Variants in VANGL2 observed in about 807,000 individuals in gnomAD.
VANGL2 encodes the protein VANGL planar cell polarity protein 2, also known as vang-like protein 2.
Under a neutral mutation model 50.2 loss-of-function variants are expected in VANGL2, and 14 were observed. The ratio of observed to expected loss-of-function variants is 0.28; its 90% CI spans 0.18 to 0.44. VANGL2 has a LOEUF of 0.44. VANGL2 is among the 20% of genes least tolerant of loss of function. VANGL2 has a pLI of 1.00. For synonymous variants in VANGL2, 295 were observed against 297.2 expected (o/e 0.99, Z 0.08); for missense variants, 533 against 701.5 (o/e 0.76, Z 2.71).
intron 1 of VANGL2, among the ~76,000 whole-genome samples, chr1:160,414,923 A>G (rs1290458717): frequency 6.6e-6 from 1 of 152,128 alleles, no homozygotes; most frequent in Non-Finnish European, 1.5e-5. Flanking sequence ...AGATAAGCCT[A>G]TAAATAGGCA....
rs1651462556 is a variant in VANGL2, at chr1:160,426,544, T to C, written c.*1166T>C. The C allele has an allele frequency of 6.5e-6, 1 of 152,686 alleles. No individual in the cohort carries two copies. The highest frequency in any genetic ancestry group is 1.5e-5 in the Non-Finnish European group (1 of 68,092). The allele number at this position is 152,686 out of a possible 1,614,324, so 9.5% of individuals were successfully genotyped here. On this transcript the variant is annotated 3_prime_UTR_variant, in exon 8 of 8. Transcript: ENST00000368061. ...TCTGAGCTCTGGGCTCCGTCTGTAT[T>C]GGGTTGAGGGGCAAGGATTACTGCC...
chr1:160,414,535 T>C (rs1650988684), intron 1 of VANGL2, among the ~76,000 whole-genome samples: 1 of 152,238 alleles, frequency 6.6e-6, no homozygotes, highest in Non-Finnish European at 1.5e-5. Flanking sequence ...CATAGTTTGC[T>C]GTTCTGCCCT....
chr1:160,416,573 G>C (rs1322746827), intron 3 of VANGL2, among the ~76,000 whole-genome samples: 2 of 152,114 alleles, frequency 1.3e-5, no homozygotes, highest in Non-Finnish European at 2.9e-5. Context: ...CTGGAGCCTC[G>C]AGATGTGGGC....
At chr1:160,418,368 C>T (rs1651134847) in intron 3 of VANGL2, among the ~76,000 whole-genome samples, 1 of 152,062 alleles carries the variant, frequency 6.6e-6, no homozygotes, top group African/African-American at 2.4e-5. Context: ...CCACAGATCA[C>T]ATTTTAAGTA....
intron 1 of VANGL2, among the ~76,000 whole-genome samples, chr1:160,409,438 T>A (rs980068515): frequency 2.6e-5 from 4 of 151,824 alleles, no homozygotes; most frequent in Non-Finnish European, 5.9e-5. Flanking sequence ...TGTGTCCTCC[T>A]GAAGGGAAAA....
At chr1:160,418,097 T>G (rs964951653) in intron 3 of VANGL2, among the ~76,000 whole-genome samples, 3 of 151,908 alleles carry the variant, frequency 2.0e-5, no homozygotes, top group Non-Finnish European at 4.4e-5. Flanking sequence ...GTGTGTGTGT[T>G]TTTAGTAGAG....
Position 160,425,484 on chromosome 1 carries a change from C to A in VANGL2, c.*106C>A. On this transcript the variant is annotated 3_prime_UTR_variant, in exon 8 of 8. Coordinates refer to ENST00000368061, the MANE Select transcript of VANGL2 (RefSeq NM_020335.3). ...ATTCCTGCCACCCTTCTTCTTCTTG[C>A]TCTTTTTTTTTTACTTGAATTAACG... The A allele has an allele frequency of 1.1e-6, 1 of 948,294 alleles. No individual in the cohort carries two copies. The highest frequency in any genetic ancestry group is 1.8e-5 in the South Asian group (1 of 56,930). The allele number at this position is 948,294 out of a possible 1,614,324, so 58.7% of individuals were successfully genotyped here. A position where few individuals can be genotyped will look rare whatever the true frequency, so the allele number is the denominator to read the frequency against.
chr1:160,409,430 T>C (rs1445766348), intron 1 of VANGL2, among the ~76,000 whole-genome samples: 1 of 151,824 alleles, frequency 6.6e-6, no homozygotes, highest in African/African-American at 2.4e-5. Context: ...CAGCCAGCTG[T>C]GTCCTCCTGA....
At chr1:160,425,038 T>G in intron 7 of VANGL2, 80 bp from the exon 8 acceptor site, 1 of 1,607,794 alleles carries the variant, frequency 6.2e-7, no homozygotes, top group East Asian at 2.2e-5. Context: ...CCTTCTTGTC[T>G]TTGGAAACTA....
chr1:160,403,115 C>A (rs188927622), intron 1 of VANGL2, among the ~76,000 whole-genome samples: 2 of 150,582 alleles, frequency 1.3e-5, no homozygotes, highest in East Asian at 3.9e-4. Flanking sequence ...GAACGGGGAA[C>A]GGGGCAGAGT....
At chr1:160,423,926 G>A in intron 6 of VANGL2, 126 bp from the exon 7 acceptor site, 1 of 1,038,152 alleles carries the variant, frequency 9.6e-7, no homozygotes, top group Non-Finnish European at 1.5e-6. Context: ...CTCTGGCTTT[G>A]TATTACTTTG....
At chr1:160,411,192 G>A (rs899385748) in intron 1 of VANGL2, among the ~76,000 whole-genome samples, 3 of 151,782 alleles carry the variant, frequency 2.0e-5, no homozygotes, top group Non-Finnish European at 4.4e-5. Flanking sequence ...TCCATGGTTG[G>A]TTTGAGCAGG....
Position 160,421,183 on chromosome 1 carries a change from G to C in VANGL2, c.1069G>C (p.Ala357Pro). Residue 357 changes from alanine to proline, a missense_variant, in exon 6 of 8, where the codon GCC becomes CCC. Physicochemically the swap from Ala to Pro is conservative, Grantham distance 27. Coordinates refer to ENST00000368061, the MANE Select transcript of VANGL2 (RefSeq NM_020335.3). ...TGAGCGAAGGGTGCGCAAGAGGAGG[G>C]CCAGGTGGGTCCCTGGGGGAGAAGA... is the stretch of plus-strand genomic sequence containing the variant. ...EHERRVRKRR[A>P]RLVVAVEEAF... The C allele has an allele frequency of 6.2e-7, 1 of 1,613,304 alleles. No individual in the cohort carries two copies. Among genetic ancestry groups the C allele is most frequent in the Non-Finnish European group, 8.5e-7 (1 of 1,180,038 alleles).
In VANGL2 at chr1:160,422,574, A is replaced by G. The variant is rs78626823; in HGVS notation, c.1073+1387A>G. On this transcript the variant is annotated intron_variant, in intron 6 of 7. Coordinates refer to ENST00000368061, the MANE Select transcript of VANGL2 (RefSeq NM_020335.3). ...AATGACTCAGGTTCCTGGGTTCTGC[A>G]TAGAAGGCCTCACTTTCTTTCTTTG... Among the ~76,000 whole-genome samples the G allele has an allele frequency of 4.4e-3, 660 of 151,498 alleles. 13 individuals are homozygous for G. Among genetic ancestry groups the G allele is most frequent in the East Asian group, 0.041 (210 of 5,172 alleles).
At chr1:160,409,779 T>C (rs1650810738) in intron 1 of VANGL2, among the ~76,000 whole-genome samples, 2 of 152,192 alleles carry the variant, frequency 1.3e-5, no homozygotes, top group African/African-American at 2.4e-5. Flanking sequence ...GAGAGCTAGC[T>C]CCTGGGATCC....
chr1:160,426,903 G>C lies in VANGL2; in HGVS notation c.*1525G>C, dbSNP rs946898894. On this transcript the variant is annotated 3_prime_UTR_variant, in exon 8 of 8. Transcript: ENST00000368061. The stretch of plus-strand genomic sequence containing the variant: ...ACTTACCTTGCAGAGCACATCCTGG[G>C]ATAAGATCCCCAGTGTCTCCCCTGG... 4 of 152,306 alleles carry C rather than the reference G, an allele frequency of 2.6e-5. No homozygotes were observed. The highest frequency in any genetic ancestry group is 5.9e-5 in the Non-Finnish European group (4 of 68,106). The allele number at this position is 152,306 out of a possible 1,614,324, so 9.4% of individuals were successfully genotyped here. A position where few individuals can be genotyped will look rare whatever the true frequency, so the allele number is the denominator to read the frequency against.
In VANGL2 at chr1:160,408,710, C is replaced by T. The variant is rs568356486; in HGVS notation, c.-190-6938C>T. On this transcript the variant is annotated intron_variant, in intron 1 of 7. Coordinates refer to ENST00000368061, the MANE Select transcript of VANGL2 (RefSeq NM_020335.3). The stretch of plus-strand genomic sequence containing the variant: ...GGGGTGGGGCACCTGGTGCCAGCTC[C>T]TGGGCTCCCTGCTCTGCCCTTCCCA... 4.6e-5 allele frequency among the ~76,000 whole-genome samples: 7 copies of T among 152,310 alleles called. No individual in the cohort carries two copies. In the East Asian group the frequency reaches 1.3e-3, roughly 29 times the overall value.
chr1:160,419,960 G>T lies in VANGL2; in HGVS notation c.800+351G>T, dbSNP rs1010006648. On this transcript the variant is annotated intron_variant, in intron 4 of 7. Coordinates refer to ENST00000368061, the MANE Select transcript of VANGL2 (RefSeq NM_020335.3). The surrounding 1 kb of genome is among the most constrained non-coding windows in gnomAD (Gnocchi z 5.8). ...CCTTTTCTAGTCCTTTCTGGGAGGCGCAGCTTCTTGTGAGCACTCAGAGTG... is the reference window on the plus strand; with the variant it reads ...CCTTTTCTAGTCCTTTCTGGGAGGCTCAGCTTCTTGTGAGCACTCAGAGTG... 6.6e-6 allele frequency among the ~76,000 whole-genome samples: 1 copy of T among 152,100 alleles called. No homozygotes were observed. Among genetic ancestry groups the T allele is most frequent in the Non-Finnish European group, 1.5e-5 (1 of 68,012 alleles).
At chr1:160,410,452 G>A (rs1650837677) in intron 1 of VANGL2, among the ~76,000 whole-genome samples, 1 of 152,100 alleles carries the variant, frequency 6.6e-6, no homozygotes, top group African/African-American at 2.4e-5. Context: ...CAGGCCTAAA[G>A]TAGCCGGGAC....
Sources: allele counts gnomAD v4.1 joint callset (sites outside exome capture counted in the v4.1 genomes callset), GRCh38; gene constraint gnomAD v4.1.1; non-coding constraint Gnocchi (gnomAD v3.1); transcripts MANE v1.5; gene names NCBI Gene and HGNC (gene_info 2026-07-23, HGNC 2026-07-21).